EXOC4: variants seen among roughly 807,000 people sequenced by gnomAD.
The protein encoded by EXOC4 is SEC8-like 1.
In EXOC4, 71 loss-of-function variants were observed where a neutral mutation model predicts 107.2. The ratio of observed to expected loss-of-function variants is 0.66; its 90% CI spans 0.55 to 0.81. The LOEUF is 0.81. EXOC4 is among the 30% of genes least tolerant of loss of function. EXOC4 has a pLI of 0.00. For missense variants in EXOC4, 1,108 were observed against 1,189.6 expected (o/e 0.93, Z 1.01); for synonymous variants, 456 against 441.2 (o/e 1.03, Z -0.42).
At chr7:133,578,933 A>G (rs1313371014) in intron 9 of EXOC4, among the ~76,000 whole-genome samples, 2 of 152,168 alleles carry the variant, frequency 1.3e-5, no homozygotes, top group African/African-American at 2.4e-5. Context: ...CTCTGCCCCT[A>G]TCTGAGAAAA....
intron 17 of EXOC4, among the ~76,000 whole-genome samples, chr7:134,060,517 G>A (rs1036728339): frequency 1.3e-5 from 2 of 152,174 alleles, no homozygotes; most frequent in East Asian, 1.9e-4. Flanking sequence ...AGCCACGGCT[G>A]CTATTTTAAT....
At chr7:133,450,520 T>C (rs1563070834) in intron 7 of EXOC4, among the ~76,000 whole-genome samples, 1 of 152,176 alleles carries the variant, frequency 6.6e-6, no homozygotes, top group Non-Finnish European at 1.5e-5. Flanking sequence ...TTACTCATTC[T>C]CAAATGAGAG....
intron 10 of EXOC4, among the ~76,000 whole-genome samples, chr7:133,635,351 T>G (rs10240015): frequency 0.021 from 3,179 of 152,258 alleles, 113 homozygotes; most frequent in African/African-American, 0.073. Context: ...GAGTGAGAAT[T>G]TATTTTTCTC....
chr7:133,789,612 G>A (rs551554305), intron 10 of EXOC4, among the ~76,000 whole-genome samples: 131 of 152,284 alleles, frequency 8.6e-4, no homozygotes, highest in African/African-American at 3.0e-3. Context: ...GGTCTACTTC[G>A]ATGACTGTAT....
intron 14 of EXOC4, among the ~76,000 whole-genome samples, chr7:133,962,296 CTCCTT>C (rs1425120103): frequency 6.6e-6 from 1 of 152,186 alleles, no homozygotes; most frequent in Non-Finnish European, 1.5e-5. Flanking sequence ...CATTTGCTCT[CTCCTT>C]CTTGTTAGTG....
At chr7:133,282,528 A>G (rs1487199211) in intron 2 of EXOC4, among the ~76,000 whole-genome samples, 1 of 152,248 alleles carries the variant, frequency 6.6e-6, no homozygotes, top group African/African-American at 2.4e-5. Flanking sequence ...TTATAAAAGT[A>G]GAACAGAGTT....
chr7:133,658,170 G>A (rs1195825088), intron 10 of EXOC4, among the ~76,000 whole-genome samples: 2 of 152,126 alleles, frequency 1.3e-5, no homozygotes, highest in Admixed American at 6.6e-5. Flanking sequence ...GTGCCAAGGC[G>A]GTAAGAAAAG....
At chr7:133,956,803 T>G (rs1800829647) in intron 14 of EXOC4, among the ~76,000 whole-genome samples, 1 of 152,218 alleles carries the variant, frequency 6.6e-6, no homozygotes, top group South Asian at 2.1e-4. Flanking sequence ...AAAGACTCTA[T>G]TTCTTAATGG....
At chr7:133,871,522 G>A (rs969405460) in intron 11 of EXOC4, among the ~76,000 whole-genome samples, 1 of 152,036 alleles carries the variant, frequency 6.6e-6, no homozygotes. Context: ...TCCCCCCACA[G>A]CCTTATGAAC....
At chr7:134,095,891 T>C in the EXOC4 span, among the ~76,000 whole-genome samples, 1 of 152,094 alleles carries the variant, frequency 6.6e-6, no homozygotes, top group Non-Finnish European at 1.5e-5. Context: ...AAACACCATT[T>C]TGGACATGGG....
chr7:133,412,853 T>C (rs1159020131), intron 7 of EXOC4, among the ~76,000 whole-genome samples: 1 of 152,130 alleles, frequency 6.6e-6, no homozygotes, highest in Non-Finnish European at 1.5e-5. Context: ...AGAAGATGTT[T>C]ACAATTACTC....
chr7:133,741,848 A>G (rs1795571359), intron 10 of EXOC4, among the ~76,000 whole-genome samples: 1 of 152,178 alleles, frequency 6.6e-6, no homozygotes, highest in Non-Finnish European at 1.5e-5. Flanking sequence ...TTTGTTTCTC[A>G]GTACCTTCCA....
intron 5 of EXOC4, among the ~76,000 whole-genome samples, chr7:133,344,554 C>G (rs904709040): frequency 6.6e-6 from 1 of 152,120 alleles, no homozygotes; most frequent in African/African-American, 2.4e-5. Flanking sequence ...GGGTAGGATT[C>G]CAAATTTTCC....
At chr7:133,924,163 G>A (rs1456352502) in intron 13 of EXOC4, among the ~76,000 whole-genome samples, 2 of 152,168 alleles carry the variant, frequency 1.3e-5, no homozygotes. Flanking sequence ...AGATGCCTGG[G>A]TGAACATGTC....
intron 4 of EXOC4, among the ~76,000 whole-genome samples, chr7:133,310,784 G>C (rs1794854010): frequency 1.3e-5 from 2 of 152,080 alleles, no homozygotes; most frequent in African/African-American, 4.8e-5. Context: ...CAAACTTCTG[G>C]ACTCAGGCAT....
intron 9 of EXOC4, among the ~76,000 whole-genome samples, chr7:133,540,794 T>C (rs1030267): frequency 0.91 from 139,247 of 152,200 alleles, 64,985 homozygotes; most frequent in East Asian, 1. Context: ...CATTATATAG[T>C]AGAGAAAGGC....
intron 11 of EXOC4, among the ~76,000 whole-genome samples, chr7:133,878,878 C>G (rs575692892): frequency 6.6e-5 from 10 of 152,186 alleles, no homozygotes; most frequent in African/African-American, 2.4e-4. Flanking sequence ...GTGTGCTCCA[C>G]CATGCCTGGC....
rs186284996 is a variant in EXOC4 at position 133,620,542 on chromosome 7, G to A, written c.1418-9503G>A. ...CTAGCAGCATTATTTAATCCAAACA[G>A]TAGAGATGCCCAAATGTTCATCTGC... On this transcript the variant is annotated intron_variant, in intron 9 of 17. Transcript: ENST00000253861. Among the ~76,000 whole-genome samples the A allele has an allele frequency of 2.3e-3, 346 of 152,266 alleles. 2 individuals carry two copies. The highest frequency in any genetic ancestry group is 5.5e-3 in the African/African-American group (230 of 41,568).
Position 133,370,241 on chromosome 7 carries a change from C to T in EXOC4, c.1008-4587C>T, listed in dbSNP as rs1796344945. Among the ~76,000 whole-genome samples the T allele has an allele frequency of 2.0e-5, 3 of 149,772 alleles. No individual in the cohort carries two copies. In the Admixed American group the frequency reaches 2.0e-4, roughly 10 times the overall value. ...GTTAAGGACGCAGCCATGACATAGC[C>T]TCAGGTCCTTACGAAATGTGCCCAA... On this transcript the variant is annotated intron_variant, in intron 6 of 17. Coordinates refer to ENST00000253861, the MANE Select transcript of EXOC4 (RefSeq NM_021807.4).
Sources: allele counts gnomAD v4.1 joint callset (sites outside exome capture counted in the v4.1 genomes callset), GRCh38; gene constraint gnomAD v4.1.1; transcripts MANE v1.5; gene names NCBI Gene and HGNC (gene_info 2026-07-23, HGNC 2026-07-21).